Variants in DSCAML1 observed in about 807,000 individuals in gnomAD.
DSCAML1 encodes the protein DS cell adhesion molecule like 1, also known as cell adhesion molecule DSCAML1.
A neutral mutation model predicts 200.5 loss-of-function variants in DSCAML1; 38 were observed. The observed-to-expected ratio is 0.19, with a 90% CI of 0.15 to 0.25. DSCAML1 has a LOEUF of 0.25. Among genes scored for constraint, DSCAML1 ranks in the 10% least tolerant of loss-of-function variants. DSCAML1 has a pLI of 1.00. For missense variants in DSCAML1, 2,223 were observed against 2,858.8 expected, an observed-to-expected ratio of 0.78 and a Z score of 5.07; for synonymous variants, 1,215 against 1,165.0, an observed-to-expected ratio of 1.04 and a Z score of -0.87.
intron 3 of DSCAML1, among the ~76,000 whole-genome samples, chr11:117,623,436 G>A (rs34986626): frequency 0.2 from 30,140 of 151,892 alleles, 3,055 homozygotes; most frequent in South Asian, 0.22. Flanking sequence ...GGCAGGTCTC[G>A]AACTCCTGAC....
At chr11:117,688,028 C>T (rs899481774) in intron 3 of DSCAML1, among the ~76,000 whole-genome samples, 13 of 151,358 alleles carry the variant, frequency 8.6e-5, no homozygotes, top group African/African-American at 2.4e-4. Flanking sequence ...CCGTGGTCGG[C>T]GACAGCTGTT....
At chr11:117,640,654 C>T (rs554144468) in intron 3 of DSCAML1, among the ~76,000 whole-genome samples, 2 of 152,150 alleles carry the variant, frequency 1.3e-5, no homozygotes, top group Admixed American at 6.5e-5. Flanking sequence ...TTCTTGTCCC[C>T]GCCACCATGG....
At chr11:117,689,595 A>G (rs1301024914) in intron 3 of DSCAML1, among the ~76,000 whole-genome samples, 1 of 152,172 alleles carries the variant, frequency 6.6e-6, no homozygotes, top group Non-Finnish European at 1.5e-5. Flanking sequence ...CTTAGATGGG[A>G]CATAGAGTGG....
chr11:117,583,630 C>A (rs762038524), intron 3 of DSCAML1, among the ~76,000 whole-genome samples: 14 of 152,204 alleles, frequency 9.2e-5, no homozygotes, highest in Non-Finnish European at 1.9e-4. Context: ...CTGCCCTCCC[C>A]CCATCAGCCC....
intron 3 of DSCAML1, among the ~76,000 whole-genome samples, chr11:117,560,812 C>T (rs1010738472): frequency 4.6e-5 from 7 of 152,186 alleles, no homozygotes; most frequent in Non-Finnish European, 7.4e-5. Context: ...CCCCCACTGC[C>T]CATTCCCTCC....
At chr11:117,742,232 T>C (rs1052367620) in intron 3 of DSCAML1, among the ~76,000 whole-genome samples, 4 of 152,128 alleles carry the variant, frequency 2.6e-5, no homozygotes, top group Non-Finnish European at 4.4e-5. Flanking sequence ...AGGAGGCCCA[T>C]AGTGGTGAAA....
rs1240697875 is a variant in DSCAML1 at position 117,480,400 on chromosome 11, G to A, written c.2785+43C>T. The A allele has an allele frequency of 5.0e-6, 8 of 1,609,344 alleles. No homozygotes were observed. Among genetic ancestry groups the A allele is most frequent in the Non-Finnish European group, 5.1e-6 (6 of 1,178,098 alleles). ...ACAGGCAGGACACGTGGCACAAGGG[G>A]CCATGGCAGGCCACGCTGTCACCCT... On this transcript the variant is annotated intron_variant, in intron 14 of 32. Coordinates refer to ENST00000651296, the MANE Select transcript of DSCAML1 (RefSeq NM_020693.4). The surrounding 1 kb of genome is among the most constrained non-coding windows in gnomAD (Gnocchi z 4.1).
At chr11:117,563,110 A>G (rs2050695308) in intron 3 of DSCAML1, among the ~76,000 whole-genome samples, 1 of 152,172 alleles carries the variant, frequency 6.6e-6, no homozygotes, top group African/African-American at 2.4e-5. Flanking sequence ...CACCAAGGCC[A>G]TTTCCTAGTG....
chr11:117,788,181 G>A (rs1237939166), intron 1 of DSCAML1, among the ~76,000 whole-genome samples: 1 of 152,232 alleles, frequency 6.6e-6, no homozygotes, highest in Non-Finnish European at 1.5e-5. Context: ...TTGGACAAGA[G>A]GAAGCAGCGG....
chr11:117,473,953 G>A (rs778446040), intron 14 of DSCAML1, among the ~76,000 whole-genome samples: 7 of 152,024 alleles, frequency 4.6e-5, no homozygotes, highest in Non-Finnish European at 7.4e-5. Context: ...GGGAGCTGGC[G>A]CCAGCTCATA....
intron 6 of DSCAML1, among the ~76,000 whole-genome samples, chr11:117,520,505 A>T (rs1397378463): frequency 6.6e-6 from 1 of 152,138 alleles, no homozygotes; most frequent in Non-Finnish European, 1.5e-5. Flanking sequence ...CAGAGACAGT[A>T]GAGTATGATG....
chr11:117,510,817 T>C (rs2137290513), intron 8 of DSCAML1, among the ~76,000 whole-genome samples: 1 of 152,346 alleles, frequency 6.6e-6, no homozygotes, highest in East Asian at 1.9e-4. Flanking sequence ...GCCCTGTCTG[T>C]CCCACGGGAG....
At chr11:117,588,573 C>T (rs2051197280) in intron 3 of DSCAML1, among the ~76,000 whole-genome samples, 2 of 152,186 alleles carry the variant, frequency 1.3e-5, no homozygotes, top group Admixed American at 6.5e-5. Context: ...CGGATACAAG[C>T]GAGCCCAGCC....
rs995643218 is a variant in DSCAML1, at chr11:117,788,907, G to A, written c.47-8097C>T. 7.9e-5 allele frequency among the ~76,000 whole-genome samples: 12 copies of A among 152,186 alleles called. No homozygotes were observed. The East Asian group carries it at 2.3e-3, about 29-fold the overall frequency. ...TCCCCATGGTGTGAGCACACTGTGG[G>A]GGGATTTTCTGACAAAAGAGATCAA... On this transcript the variant is annotated intron_variant, in intron 1 of 32. Coordinates refer to ENST00000651296, the MANE Select transcript of DSCAML1 (RefSeq NM_020693.4).
chr11:117,461,223 C>A (rs73577965), intron 18 of DSCAML1, among the ~76,000 whole-genome samples: 3,315 of 151,614 alleles, frequency 0.022, 127 homozygotes, highest in African/African-American at 0.076. Context: ...GGCTCTGACC[C>A]CAGTTGAACA....
chr11:117,735,457 G>A (rs530109033), intron 3 of DSCAML1, among the ~76,000 whole-genome samples: 1 of 152,250 alleles, frequency 6.6e-6, no homozygotes, highest in East Asian at 1.9e-4. Context: ...ACAGGTCCAA[G>A]ACACCTGCCC....
At chr11:117,699,881 C>T (rs1295019370) in intron 3 of DSCAML1, among the ~76,000 whole-genome samples, 1 of 152,250 alleles carries the variant, frequency 6.6e-6, no homozygotes, top group East Asian at 1.9e-4. Context: ...GCCCACTTCC[C>T]TCCTGGGCTT....
chr11:117,580,161 G>A (rs1032527003), intron 3 of DSCAML1, among the ~76,000 whole-genome samples: 18 of 152,350 alleles, frequency 1.2e-4, no homozygotes, highest in East Asian at 1.2e-3. Context: ...GAGGCAGAGA[G>A]TAGGGAGGAA....
chr11:117,432,338 G>C lies in DSCAML1; in HGVS notation c.5179+14C>G, dbSNP rs748096280. 3.7e-6 allele frequency: 6 copies of C among 1,609,148 alleles called. No individual in the cohort carries two copies. The African/African-American group carries it at 5.3e-5, about 14-fold the overall frequency. On this transcript the variant is annotated intron_variant, in intron 30 of 32. Coordinates refer to ENST00000651296, the MANE Select transcript of DSCAML1 (RefSeq NM_020693.4). ...GGTTGGGAAAAGGGCTGTCTCCCTG[G>C]GGATAATGCGTACTGGTTCCTGGCC...
Sources: allele counts gnomAD v4.1 joint callset (sites outside exome capture counted in the v4.1 genomes callset), GRCh38; gene constraint gnomAD v4.1.1; non-coding constraint Gnocchi (gnomAD v3.1); transcripts MANE v1.5; gene names NCBI Gene and HGNC (gene_info 2026-07-23, HGNC 2026-07-21).